NRDC: variants seen among roughly 807,000 people sequenced by gnomAD.
The protein encoded by NRDC is nardilysin.
NRDC carries 54 observed loss-of-function variants against 147.1 expected under a neutral mutation model. The ratio of observed to expected loss-of-function variants is 0.37; its 90% CI spans 0.29 to 0.46. NRDC has a LOEUF of 0.46. NRDC is among the 20% of genes least tolerant of loss of function. The pLI is 1.00. For missense variants in NRDC, 1,082 were observed against 1,370.6 expected, an observed-to-expected ratio of 0.79 and a Z score of 3.33; for synonymous variants, 440 against 482.1, an observed-to-expected ratio of 0.91 and a Z score of 1.14.
At position 51,790,691 on chromosome 1, in the gene NRDC, A is replaced by G. The variant is rs767684702; in HGVS notation, c.3052-42T>C. On this transcript the variant is annotated intron_variant, in intron 28 of 30. Coordinates refer to ENST00000352171, the MANE Select transcript of NRDC (RefSeq NM_001101662.2). ...GAAAGATGCTCAGGTGAGGCAACAT[A>G]CCACTTCCCACAGAACACACTGGGC... 1.2e-5 allele frequency: 16 copies of G among 1,357,430 alleles called. No individual in the cohort carries two copies. In the South Asian group the frequency reaches 1.9e-4, roughly 16 times the overall value. The allele number at this position is 1,357,430 out of a possible 1,614,324, so 84.1% of individuals were successfully genotyped here.
At chr1:51,838,067 C>T (rs1032256416) in intron 2 of NRDC, among the ~76,000 whole-genome samples, 9 of 152,162 alleles carry the variant, frequency 5.9e-5, no homozygotes, top group Non-Finnish European at 1.2e-4. Flanking sequence ...CACTTACGAT[C>T]GTGGGATCTT....
At chr1:51,876,625 T>G (rs1267839380) in intron 1 of NRDC, among the ~76,000 whole-genome samples, 1 of 152,182 alleles carries the variant, frequency 6.6e-6, no homozygotes, top group Admixed American at 6.5e-5. Context: ...ACCTGTACAA[T>G]CACATCTTTG....
At position 51,836,187 on chromosome 1, in the gene NRDC, A is replaced by G. The variant is rs1680964477; in HGVS notation, c.656T>C (p.Val219Ala). The G allele has an allele frequency of 6.2e-7, 1 of 1,614,118 alleles. No individual in the cohort carries two copies. Among genetic ancestry groups the G allele is most frequent in the South Asian group, 1.1e-5 (1 of 91,088 alleles). Residue 219 changes from valine (V) to alanine (A), a missense_variant, in exon 3 of 31, where the codon GTT becomes GCT. Transcript: ENST00000352171. ...KQSAAALCVG[V>A]GSFADPDDLP... ...GTCATCTGGATCAGCGAAACTCCCA[A>G]CTCCAACACAAAGAGCCGCTGCAGA...
intron 15 of NRDC, among the ~76,000 whole-genome samples, chr1:51,811,737 G>A (rs1232554942): frequency 6.6e-6 from 1 of 152,144 alleles, no homozygotes; most frequent in Admixed American, 6.5e-5. Flanking sequence ...TGCAGTAGAT[G>A]TTTCAACATT....
chr1:51,804,076 AC>A (rs1679337315), intron 19 of NRDC, 112 bp from the exon 20 acceptor site: 2 of 898,432 alleles, frequency 2.2e-6, no homozygotes. Flanking sequence ...TAAATTCTCT[AC>A]TCCAGAATGT....
chr1:51,856,272 C>T (rs1682236605), intron 1 of NRDC, among the ~76,000 whole-genome samples: 1 of 152,150 alleles, frequency 6.6e-6, no homozygotes, highest in Non-Finnish European at 1.5e-5. Flanking sequence ...TGACCAAATC[C>T]GTGCAATTAA....
intron 24 of NRDC, chr1:51,793,968 G>A (rs1678770424): frequency 6.5e-6 from 1 of 154,628 alleles, no homozygotes; most frequent in Non-Finnish European, 1.4e-5. Context: ...AGAATCTGAA[G>A]ACAAAAGGAA....
intron 1 of NRDC, among the ~76,000 whole-genome samples, chr1:51,848,578 C>T (rs529030391): frequency 5.9e-5 from 9 of 152,028 alleles, no homozygotes; most frequent in Non-Finnish European, 1.2e-4. Context: ...TTACCAAAAA[C>T]AAAACCCAAA....
intron 1 of NRDC, among the ~76,000 whole-genome samples, chr1:51,848,687 A>T (rs956929616): frequency 1.3e-5 from 2 of 152,146 alleles, no homozygotes; most frequent in African/African-American, 4.8e-5. Context: ...AGATTTTTTT[A>T]AAATCCCTTT....
At position 51,877,742 on chromosome 1, in the gene NRDC, G is replaced by A. The variant is rs554820240; in HGVS notation, c.341+533C>T. 3.9e-5 allele frequency among the ~76,000 whole-genome samples: 6 copies of A among 152,208 alleles called. No individual in the cohort carries two copies. The South Asian group carries it at 1.2e-3, about 32-fold the overall frequency. On this transcript the variant is annotated intron_variant, in intron 1 of 30. Transcript: ENST00000352171. ...CTGGACGAGGTCGCCCAACCGTTTT[G>A]GTAATGGAGAACTACCCATGGAAAC...
intron 1 of NRDC, among the ~76,000 whole-genome samples, chr1:51,867,755 T>C (rs1227115695): frequency 6.6e-6 from 1 of 152,166 alleles, no homozygotes; most frequent in Non-Finnish European, 1.5e-5. Context: ...AGTGTAACAA[T>C]AGTGGCAGAA....
intron 1 of NRDC, among the ~76,000 whole-genome samples, chr1:51,871,897 G>C (rs1683101797): frequency 6.6e-6 from 1 of 152,166 alleles, no homozygotes; most frequent in Admixed American, 6.5e-5. Flanking sequence ...TTTTGAGACA[G>C]TCTGGTTCTG....
chr1:51,803,940 G>C lies in NRDC; in HGVS notation c.2187C>G (p.Val729=). 6.2e-7 allele frequency: 1 copy of C among 1,607,944 alleles called. No homozygotes were observed. Among genetic ancestry groups the C allele is most frequent in the South Asian group, 1.1e-5 (1 of 89,696 alleles). The change falls in exon 20 of 31, where the codon GTC becomes GTG. Residue 729 remains valine (V), a synonymous_variant. Transcript: ENST00000352171. ...CCGCAAGGTTATGCGTAAGGATATT[G>C]ACAAAGATATCAAAGAGGACCACAC... is the stretch of plus-strand genomic sequence containing the variant. ...AANVVLFDIF[V]NILTHNLAEP... is the part of the protein sequence containing the mutation.
At chr1:51,834,345 A>T (rs1680846601) in intron 3 of NRDC, among the ~76,000 whole-genome samples, 175 bp from the exon 4 acceptor site, 1 of 151,370 alleles carries the variant, frequency 6.6e-6, no homozygotes, top group Non-Finnish European at 1.5e-5. Flanking sequence ...GTTGCCCAGG[A>T]TGGAGCACAG....
intron 22 of NRDC, chr1:51,798,048 G>A (rs1182479837): frequency 3.8e-6 from 2 of 522,378 alleles, no homozygotes; most frequent in Non-Finnish European, 6.7e-6. Flanking sequence ...GAAATTACAG[G>A]CGTGAGCCAT....
intron 1 of NRDC, among the ~76,000 whole-genome samples, chr1:51,841,626 C>T (rs1414282426): frequency 6.6e-6 from 1 of 152,170 alleles, no homozygotes; most frequent in Admixed American, 6.6e-5. Flanking sequence ...CTAATTTTTT[C>T]ATGTATTTAT....
At chr1:51,846,458 G>T (rs1681594542) in intron 1 of NRDC, among the ~76,000 whole-genome samples, 1 of 152,190 alleles carries the variant, frequency 6.6e-6, no homozygotes, top group Non-Finnish European at 1.5e-5. Flanking sequence ...TTTGTGTCTG[G>T]AATTGTTGGG....
At chr1:51,828,029 ACATGTT>A (rs1331019869) in intron 4 of NRDC, among the ~76,000 whole-genome samples, 160 bp from the exon 5 acceptor site, 1 of 152,246 alleles carries the variant, frequency 6.6e-6, no homozygotes, top group African/African-American at 2.4e-5. Flanking sequence ...ACTAATATCT[ACATGTT>A]ACTTTAACTT....
Position 51,878,409 on chromosome 1 carries a change from T to C in NRDC, c.207A>G (p.Gly69=), listed in dbSNP as rs921399173. 2 of 1,613,980 alleles carry C rather than the reference T, an allele frequency of 1.2e-6. No homozygotes were observed. The highest frequency in any genetic ancestry group is 1.7e-5 in the Admixed American group (1 of 59,996). Residue 69 remains glycine (G), a synonymous_variant, in exon 1 of 31, where the codon GGA becomes GGG. Transcript: ENST00000352171. Reference sequence around the variant, plus strand: ...CCCGGCTGTTCTCGCCCAGATCCTGTCCATTGGGCTGCAGGTCAGGGCAGC... The same window carrying C: ...CCCGGCTGTTCTCGCCCAGATCCTGCCCATTGGGCTGCAGGTCAGGGCAGC... The part of the protein sequence containing the change: ...TCSCPDLQPN[G]QDLGENSRVA...
Sources: gnomAD v4.1 joint callset for allele counts (sites outside exome capture counted in the v4.1 genomes callset) on GRCh38, gnomAD v4.1.1 for gene constraint, MANE v1.5 for transcripts, NCBI Gene and HGNC (gene_info 2026-07-23, HGNC 2026-07-21) for gene names.